ACOT9: variants seen among roughly 807,000 people sequenced by gnomAD.
ACOT9 encodes the protein acyl-coenzyme A thioesterase 9, mitochondrial.
A neutral mutation model predicts 39.7 loss-of-function variants in ACOT9; 34 were observed. That is an observed-to-expected ratio of 0.86 (90% CI 0.65 to 1.14). ACOT9 has a LOEUF of 1.14. ACOT9 is among the 50% of genes most tolerant of loss of function. The probability of loss-of-function intolerance (pLI) is 0.00; values close to 1 mark genes in which losing one functional copy is unlikely to be tolerated. For missense variants in ACOT9, 313 were observed against 344.1 expected (o/e 0.91, Z 0.71); for synonymous variants, 110 against 120.5 (o/e 0.91, Z 0.57).
At chrX:23,739,539 C>T (rs950303589) in intron 1 of ACOT9, among the ~76,000 whole-genome samples, 1 of 111,886 alleles carries the variant, frequency 8.9e-6, no homozygotes, top group Admixed American at 9.6e-5. Context: ...GGCACAATGG[C>T]TCACGCCTGT....
intron 3 of ACOT9, among the ~76,000 whole-genome samples, chrX:23,734,077 T>C (rs765172831): frequency 8.9e-6 from 1 of 112,121 alleles, no homozygotes; most frequent in Non-Finnish European, 1.9e-5. Flanking sequence ...TATCTTCTTA[T>C]ACGCAGTAAT....
chrX:23,731,288 C>T (rs903359374), intron 4 of ACOT9, among the ~76,000 whole-genome samples: 3 of 111,134 alleles, frequency 2.7e-5, no homozygotes, highest in Middle Eastern at 4.2e-3. Context: ...CCAGCCTGGC[C>T]AACATGGCAA....
intron 6 of ACOT9, among the ~76,000 whole-genome samples, chrX:23,725,099 C>T (rs1929461279): frequency 9.0e-6 from 1 of 110,901 alleles, no homozygotes; most frequent in South Asian, 3.8e-4. Flanking sequence ...CAAAAAAGGG[C>T]AGAAGGGAAG....
chrX:23,719,889 A>G (rs111639682), intron 8 of ACOT9, among the ~76,000 whole-genome samples: 1 of 108,389 alleles, frequency 9.2e-6, no homozygotes, highest in Non-Finnish European at 1.9e-5. Flanking sequence ...CAGGCTGGAG[A>G]GCAGTGGTGT....
intron 4 of ACOT9, among the ~76,000 whole-genome samples, chrX:23,731,350 A>G (rs763100049): frequency 2.7e-5 from 3 of 109,755 alleles, no homozygotes; most frequent in African/African-American, 9.9e-5. Flanking sequence ...GGTGGTGGGC[A>G]CCTGTAATCC....
rs1247109830 is a variant in ACOT9 at position 23,705,875 on chromosome X, T to A, written c.843-17A>T. On this transcript the variant is annotated splice_polypyrimidine_tract_variant and intron_variant, in intron 11 of 15. Transcript: ENST00000379303. ...CTTATAGTCCTGTACAAATGAATATTTATTAAACCCTGTTAATGCCATGGT... is the reference window on the plus strand; with the variant it reads ...CTTATAGTCCTGTACAAATGAATATATATTAAACCCTGTTAATGCCATGGT... 1 of 1,130,029 alleles carries A rather than the reference T, an allele frequency of 8.8e-7. No individual in the cohort carries two copies. The highest frequency in any genetic ancestry group is 2.2e-5 in the Admixed American group (1 of 45,474). The allele number at this position is 1,130,029 out of a possible 1,213,427, so 93.1% of individuals were successfully genotyped here.
intron 8 of ACOT9, among the ~76,000 whole-genome samples, chrX:23,720,535 G>A (rs1203653196): frequency 9.0e-6 from 1 of 111,346 alleles, no homozygotes; most frequent in African/African-American, 3.3e-5. Flanking sequence ...ATGTGATGAC[G>A]GAGGCAGAGA....
Position 23,703,767 on chromosome X carries a change from G to T in ACOT9, c.*127C>A. ...TTTCTGCTTTTCTGATCATCCTAAAGGCTGAATACATCCTCCTCCTGTGTG... is the reference window on the plus strand; with the variant it reads ...TTTCTGCTTTTCTGATCATCCTAAATGCTGAATACATCCTCCTCCTGTGTG... On this transcript the variant is annotated 3_prime_UTR_variant, in exon 16 of 16. Coordinates refer to ENST00000379303, the MANE Select transcript of ACOT9 (RefSeq NM_001037171.2). 1.9e-6 allele frequency: 1 copy of T among 513,039 alleles called. No homozygotes were observed. The highest frequency in any genetic ancestry group is 3.3e-6 in the Non-Finnish European group (1 of 301,833). 42.3% of individuals were successfully genotyped at this position (513,039 alleles called of 1,213,427 possible).
In ACOT9 at chrX:23,707,888, C is replaced by T. The variant is rs779061907; in HGVS notation, c.719G>A (p.Arg240Lys). The T allele has an allele frequency of 5.8e-6, 7 of 1,198,669 alleles. No homozygotes were observed. Among genetic ancestry groups the T allele is most frequent in the Non-Finnish European group, 7.9e-6 (7 of 888,073 alleles). Reference protein sequence around the residue: ...PESPEEEELFRQGELNKGRRI... With the variant: ...PESPEEEELFKQGELNKGRRI... ...ACAAATTAATGTACATTCCCCTTGT[C>T]TAAAGAGCTCCTCTTCCTCTGGGCT... Residue 240 changes from arginine to lysine, a missense_variant, in exon 10 of 16, where the codon AGA becomes AAA. Transcript: ENST00000379303.
intron 6 of ACOT9, among the ~76,000 whole-genome samples, chrX:23,725,928 G>A (rs1002226717): frequency 1.8e-5 from 2 of 111,807 alleles, no homozygotes; most frequent in African/African-American, 6.5e-5. Flanking sequence ...GCCGGGCGCA[G>A]TGGCTCACGT....
chrX:23,705,372 C>T, intron 13 of ACOT9, 137 bp downstream of exon 13: 1 of 534,050 alleles, frequency 1.9e-6, no homozygotes, highest in South Asian at 3.3e-5. Flanking sequence ...AGATCAAATT[C>T]AGCTGGTATC....
chrX:23,704,010 G>A (rs1351569019), intron 15 of ACOT9, 28 bp from the exon 16 acceptor site: 17 of 1,132,813 alleles, frequency 1.5e-5, no homozygotes, highest in Middle Eastern at 4.9e-4. Flanking sequence ...GAACCTTGGA[G>A]AAACTTGTAA....
Position 23,722,037 on chromosome X carries a change from T to C in ACOT9, c.485-53A>G, listed in dbSNP as rs1470551079. ...AAGTCATACCAAAAATTTTCTGTTCTGTAAATATGAACAATTAGAAATTAT... is the reference window on the plus strand; with the variant it reads ...AAGTCATACCAAAAATTTTCTGTTCCGTAAATATGAACAATTAGAAATTAT... On this transcript the variant is annotated intron_variant, in intron 7 of 15. Transcript: ENST00000379303. The C allele has an allele frequency of 8.3e-6, 7 of 838,533 alleles. No individual in the cohort carries two copies. In the South Asian group the frequency reaches 8.5e-5, roughly 10 times the overall value. The allele number at this position is 838,533 out of a possible 1,213,427, so 69.1% of individuals were successfully genotyped here. A position where few individuals can be genotyped will look rare whatever the true frequency, so the allele number is the denominator to read the frequency against.
chrX:23,720,115 G>A, intron 8 of ACOT9, among the ~76,000 whole-genome samples: 1 of 112,992 alleles, frequency 8.9e-6, no homozygotes, highest in South Asian at 3.6e-4. Flanking sequence ...TTACAGGCGT[G>A]AGCCACCGCG....
intron 9 of ACOT9, among the ~76,000 whole-genome samples, chrX:23,712,290 A>C (rs1197822354): frequency 9.3e-6 from 1 of 107,472 alleles, no homozygotes; most frequent in Non-Finnish European, 1.9e-5. Flanking sequence ...CTGTAATCCC[A>C]GTTACTCAGG....
chrX:23,713,239 T>G, intron 8 of ACOT9, 31 bp from the exon 9 acceptor site: 1 of 1,116,618 alleles, frequency 9.0e-7, no homozygotes, highest in Non-Finnish European at 1.2e-6. Context: ...AATGTACATA[T>G]GAGAAATGGA....
At chrX:23,729,722 C>T (rs900429402) in intron 6 of ACOT9, among the ~76,000 whole-genome samples, 12 of 111,928 alleles carry the variant, frequency 1.1e-4, no homozygotes, top group African/African-American at 3.9e-4. Flanking sequence ...ACCTCCACCT[C>T]CCAGGTTCAA....
At chrX:23,712,025 C>A (rs1928912981) in intron 9 of ACOT9, among the ~76,000 whole-genome samples, 2 of 111,514 alleles carry the variant, frequency 1.8e-5, no homozygotes, top group African/African-American at 3.3e-5. Flanking sequence ...CTATTTAGAA[C>A]AAATGATCCA....
At chrX:23,740,226 C>T (rs1009090331) in intron 1 of ACOT9, among the ~76,000 whole-genome samples, 1 of 108,531 alleles carries the variant, frequency 9.2e-6, no homozygotes, top group Non-Finnish European at 1.9e-5. Flanking sequence ...CCAGCCTCAG[C>T]CTCCCGAGCA....
Sources: allele counts gnomAD v4.1 joint callset (sites outside exome capture counted in the v4.1 genomes callset), GRCh38; gene constraint gnomAD v4.1.1; transcripts MANE v1.5; gene names NCBI Gene and HGNC (gene_info 2026-07-23, HGNC 2026-07-21).